Variants in CNTNAP5 observed in about 807,000 individuals in gnomAD.
CNTNAP5 encodes the protein contactin-associated protein-like 5.
CNTNAP5 carries 72 observed loss-of-function variants against 150.2 expected under a neutral mutation model. The observed-to-expected ratio is 0.48, with a 90% confidence interval of 0.40 to 0.58. The LOEUF is 0.58. CNTNAP5 is among the 20% of genes least tolerant of loss of function. The probability of loss-of-function intolerance (pLI) is 0.00; values close to 1 mark genes in which losing one functional copy is unlikely to be tolerated. For missense variants in CNTNAP5, 1,636 were observed against 1,626.2 expected, an observed-to-expected ratio of 1.01 and a Z score of -0.10; for synonymous variants, 672 against 619.8, an observed-to-expected ratio of 1.08 and a Z score of -1.25.
At position 124,747,300 on chromosome 2, in the gene CNTNAP5, G is replaced by A; in HGVS notation, c.2149G>A (p.Gly717Arg). 6.2e-7 allele frequency: 1 copy of A among 1,613,754 alleles called. No individual in the cohort carries two copies. Among genetic ancestry groups the A allele is most frequent in the Non-Finnish European group, 8.5e-7 (1 of 1,179,780 alleles). ...CCCTTACTGGGGAGGTTCCCCTCCT[G>A]GGGTCCAGCAGTGTGAGTGTGGCCT... ...RHPYWGGSPPGVQQCECGLDE... is the reference protein window; with the variant it reads ...RHPYWGGSPPRVQQCECGLDE... Residue 717 changes from glycine (G) to arginine (R), a missense_variant, in exon 14 of 24, where the codon GGG (glycine) becomes AGG (arginine). Coordinates refer to ENST00000682447, the MANE Select transcript of CNTNAP5 (RefSeq NM_001367498.1).
intron 1 of CNTNAP5, among the ~76,000 whole-genome samples, chr2:124,031,607 G>T (rs1310846155): frequency 6.6e-6 from 1 of 152,048 alleles, no homozygotes. Context: ...TCTTATTTAT[G>T]TATCACATGG....
chr2:124,490,982 G>T (rs1000900958), intron 7 of CNTNAP5, among the ~76,000 whole-genome samples: 4 of 152,040 alleles, frequency 2.6e-5, no homozygotes, highest in African/African-American at 9.7e-5. Context: ...CAGTATTTCA[G>T]TAGCAGATTT....
In CNTNAP5 at chr2:124,624,345, T is replaced by C. The variant is rs1247673668; in HGVS notation, c.1876+14425T>C. Among the ~76,000 whole-genome samples, 8 of 152,334 alleles carry C rather than the reference T, an allele frequency of 5.3e-5. No individual in the cohort carries two copies. In the South Asian group the frequency reaches 1.5e-3, roughly 28 times the overall value. ...GGATGGTAGCAGGAGGCTCAGGTGA[T>C]TGCAGTGTGATTTTAATTCATTTAC... On this transcript the variant is annotated intron_variant, in intron 12 of 23. Transcript: ENST00000682447.
chr2:124,485,632 AAAG>A (rs1354424068), intron 7 of CNTNAP5, among the ~76,000 whole-genome samples: 1 of 125,376 alleles, frequency 8.0e-6, no homozygotes, highest in Middle Eastern at 4.0e-3. Context: ...AAAAAAAAAA[AAAG>A]AAGAAGGTGC....
chr2:124,351,003 G>C (rs531542317), intron 3 of CNTNAP5, among the ~76,000 whole-genome samples: 2 of 151,810 alleles, frequency 1.3e-5, no homozygotes, highest in Non-Finnish European at 2.9e-5. Context: ...AAAGAACTTC[G>C]ATTTACACTG....
chr2:124,797,708 G>A (rs1022157071), intron 18 of CNTNAP5, among the ~76,000 whole-genome samples: 1 of 152,204 alleles, frequency 6.6e-6, no homozygotes, highest in Admixed American at 6.5e-5. Context: ...TTGGGAGTAA[G>A]ATGGTGCCAG....
intron 3 of CNTNAP5, among the ~76,000 whole-genome samples, chr2:124,332,326 T>G (rs1206733461): frequency 6.6e-6 from 1 of 151,396 alleles, no homozygotes; most frequent in Non-Finnish European, 1.5e-5. Context: ...CACACAGAAT[T>G]GTTTCCATTA....
intron 18 of CNTNAP5, among the ~76,000 whole-genome samples, chr2:124,791,925 T>G (rs1398316219): frequency 6.6e-6 from 1 of 152,136 alleles, no homozygotes; most frequent in Non-Finnish European, 1.5e-5. Context: ...AGAAAATTAT[T>G]TCCTCTATAT....
intron 1 of CNTNAP5, among the ~76,000 whole-genome samples, chr2:124,186,628 A>T (rs1232776675): frequency 6.6e-6 from 1 of 152,274 alleles, no homozygotes; most frequent in African/African-American, 2.4e-5. Context: ...AAGTGTTCCA[A>T]CCTGAGGGCG....
chr2:124,524,690 G>C (rs1450695182), intron 9 of CNTNAP5, among the ~76,000 whole-genome samples: 2 of 152,144 alleles, frequency 1.3e-5, no homozygotes, highest in Non-Finnish European at 2.9e-5. Flanking sequence ...AAGAACTTTA[G>C]CTACAAGAGC....
intron 1 of CNTNAP5, among the ~76,000 whole-genome samples, chr2:124,115,137 T>A (rs1683393325): frequency 6.6e-6 from 1 of 152,212 alleles, no homozygotes; most frequent in Non-Finnish European, 1.5e-5. Flanking sequence ...ACTAGAATCA[T>A]TTGACTATTA....
intron 1 of CNTNAP5, among the ~76,000 whole-genome samples, chr2:124,212,145 C>T (rs1197010168): frequency 2.6e-5 from 4 of 152,130 alleles, no homozygotes; most frequent in African/African-American, 7.2e-5. Flanking sequence ...GGACAATGAC[C>T]TTTTTAAAAT....
At chr2:124,371,158 T>C (rs918171831) in intron 3 of CNTNAP5, among the ~76,000 whole-genome samples, 5 of 152,042 alleles carry the variant, frequency 3.3e-5, no homozygotes, top group Non-Finnish European at 7.4e-5. Flanking sequence ...CTTTCTTAGG[T>C]TTTACGACCT....
At chr2:124,100,187 G>C (rs183902929) in intron 1 of CNTNAP5, among the ~76,000 whole-genome samples, 1 of 152,080 alleles carries the variant, frequency 6.6e-6, no homozygotes, top group African/African-American at 2.4e-5. Flanking sequence ...TACGAGGGGC[G>C]GAGGGGCGAC....
chr2:124,285,043 C>T (rs1365661992), intron 3 of CNTNAP5, among the ~76,000 whole-genome samples: 2 of 152,126 alleles, frequency 1.3e-5, no homozygotes, highest in Non-Finnish European at 2.9e-5. Context: ...TCAGCCTTCT[C>T]AGTACAGTTT....
chr2:124,413,894 T>A (rs1691844893), intron 3 of CNTNAP5, among the ~76,000 whole-genome samples: 2 of 127,260 alleles, frequency 1.6e-5, no homozygotes, highest in Non-Finnish European at 3.1e-5. Flanking sequence ...AATAAATAAA[T>A]AAATAAATTA....
intron 5 of CNTNAP5, among the ~76,000 whole-genome samples, chr2:124,443,288 A>G (rs1316399450): frequency 9.4e-5 from 14 of 149,524 alleles, no homozygotes; most frequent in Admixed American, 8.7e-4. Context: ...ATCATATGTT[A>G]TATTTATATA....
rs527887271 is a variant in CNTNAP5, at chr2:124,424,698, C to T, written c.529+7108C>T. Among the ~76,000 whole-genome samples, 63 of 152,296 alleles carry T rather than the reference C, an allele frequency of 4.1e-4. No individual in the cohort carries two copies. In the Middle Eastern group the frequency reaches 0.014, roughly 33 times the overall value. On this transcript the variant is annotated intron_variant, in intron 4 of 23. Coordinates refer to ENST00000682447, the MANE Select transcript of CNTNAP5 (RefSeq NM_001367498.1). ...CTGACTGGTTGAGGATCTGAAGGCT[C>T]CTTCAACAGTCAACAAACATTACCC... is the stretch of plus-strand genomic sequence containing the variant.
At chr2:124,041,015 A>G (rs1200075184) in intron 1 of CNTNAP5, among the ~76,000 whole-genome samples, 1 of 152,196 alleles carries the variant, frequency 6.6e-6, no homozygotes, top group African/African-American at 2.4e-5. Flanking sequence ...TTTCCTAGCC[A>G]TGAATGGTCT....
Sources: gnomAD v4.1 joint callset for allele counts (sites outside exome capture counted in the v4.1 genomes callset) on GRCh38, gnomAD v4.1.1 for gene constraint, MANE v1.5 for transcripts, NCBI Gene and HGNC (gene_info 2026-07-23, HGNC 2026-07-21) for gene names.